Variants in LNX1 observed in about 807,000 individuals in gnomAD.
The protein encoded by LNX1 is E3 ubiquitin-protein ligase LNX.
In LNX1, 54 loss-of-function variants were observed where a neutral mutation model predicts 68.4. That is an observed-to-expected ratio of 0.79 (90% CI 0.63 to 0.99). The LOEUF (loss-of-function observed/expected upper bound fraction) is 0.99. LNX1 is among the 50% of genes least tolerant of loss of function. The probability of loss-of-function intolerance (pLI) is 0.00; values close to 1 mark genes in which losing one functional copy is unlikely to be tolerated. For synonymous variants in LNX1, 336 were observed against 350.0 expected, an observed-to-expected ratio of 0.96 and a Z score of 0.45; for missense variants, 906 against 926.4, an observed-to-expected ratio of 0.98 and a Z score of 0.29.
At chr4:53,515,979 G>A (rs757502547) in intron 2 of LNX1, among the ~76,000 whole-genome samples, 2 of 152,178 alleles carry the variant, frequency 1.3e-5, no homozygotes, top group Non-Finnish European at 2.9e-5. Context: ...GGCCGAGTGT[G>A]GTGGCTCATG....
intron 1 of LNX1, among the ~76,000 whole-genome samples, chr4:53,631,221 G>A (rs181508247): frequency 9.8e-5 from 15 of 152,288 alleles, no homozygotes; most frequent in Admixed American, 9.8e-4. Context: ...AGGATCGGGA[G>A]TGGGGTGGGA....
At chr4:53,571,015 A>G (rs1268406202) in intron 2 of LNX1, among the ~76,000 whole-genome samples, 1 of 151,198 alleles carries the variant, frequency 6.6e-6, no homozygotes, top group Non-Finnish European at 1.5e-5. Flanking sequence ...CGACAGAGCC[A>G]GACTCCGTCT....
At position 53,557,213 on chromosome 4, in the gene LNX1, A is replaced by G. The variant is rs145503218; in HGVS notation, c.380+16410T>C. Among the ~76,000 whole-genome samples the G allele has an allele frequency of 1.8e-4, 27 of 152,312 alleles. No homozygotes were observed. The East Asian group carries it at 4.2e-3, about 24-fold the overall frequency. ...TGTCTTTATTTTTCAGAGATGCACA[A>G]TGATGTATTTAGGGGTGATATGTCA... On this transcript the variant is annotated intron_variant, in intron 2 of 10. Coordinates refer to ENST00000263925, the MANE Select transcript of LNX1 (RefSeq NM_001126328.3).
intron 2 of LNX1, among the ~76,000 whole-genome samples, chr4:53,509,705 G>A (rs1301031904): frequency 2.0e-5 from 3 of 152,120 alleles, no homozygotes; most frequent in South Asian, 2.1e-4. Flanking sequence ...TGAGATTGTC[G>A]CTATTTCCAT....
At chr4:53,468,284 G>A (rs1722859517) in intron 9 of LNX1, among the ~76,000 whole-genome samples, 1 of 152,150 alleles carries the variant, frequency 6.6e-6, no homozygotes, top group African/African-American at 2.4e-5. Context: ...TTACAGACAA[G>A]CAAATGCTGA....
At chr4:53,479,613 A>G (rs1221505827) in intron 7 of LNX1, among the ~76,000 whole-genome samples, 1 of 143,634 alleles carries the variant, frequency 7.0e-6, no homozygotes, top group Non-Finnish European at 1.5e-5. Context: ...AGAGGAGGAG[A>G]GTTACGTATG....
chr4:53,614,293 C>T (rs1733604131), intron 2 of LNX1, among the ~76,000 whole-genome samples: 1 of 152,138 alleles, frequency 6.6e-6, no homozygotes, highest in African/African-American at 2.4e-5. Flanking sequence ...GATTTACTTC[C>T]AGAACTACTG....
chr4:53,649,654 C>T lies in LNX1; in HGVS notation c.-215+2514G>A, dbSNP rs78096209. Among the ~76,000 whole-genome samples the T allele has an allele frequency of 6.8e-3, 1,041 of 152,346 alleles. 14 individuals are homozygous for T. The highest frequency in any genetic ancestry group is 0.024 in the African/African-American group (996 of 41,584). ...TCCTTCCTGCACACCACTCCCTTTA[C>T]TCCCCTTCTAGTCAGTCTTTACCTT... On this transcript the variant is annotated intron_variant, in intron 1 of 2. Coordinates refer to the LNX1 transcript ENST00000507168.
intron 1 of LNX1, among the ~76,000 whole-genome samples, chr4:53,631,896 G>A (rs1315080021): frequency 6.6e-6 from 1 of 151,832 alleles, no homozygotes; most frequent in African/African-American, 2.4e-5. Flanking sequence ...TCCTTGACTC[G>A]GTGTAATTCT....
At chr4:53,526,920 A>G (rs779634161) in intron 2 of LNX1, among the ~76,000 whole-genome samples, 2 of 152,094 alleles carry the variant, frequency 1.3e-5, no homozygotes, top group Non-Finnish European at 2.9e-5. Context: ...TATAGAGCTA[A>G]TTCTTCTTTG....
At chr4:53,626,557 A>C (rs1372309078) in intron 1 of LNX1, among the ~76,000 whole-genome samples, 6 of 152,224 alleles carry the variant, frequency 3.9e-5, no homozygotes, top group Admixed American at 3.3e-4. Flanking sequence ...TGAAAAGATC[A>C]CCTGGCTTCA....
chr4:53,467,630 G>T (rs551089747), intron 9 of LNX1, among the ~76,000 whole-genome samples: 2 of 152,326 alleles, frequency 1.3e-5, no homozygotes, highest in East Asian at 3.9e-4. Context: ...AATAGCCAAT[G>T]CAGAGAAGTC....
chr4:53,537,442 C>T (rs540505673), intron 2 of LNX1, among the ~76,000 whole-genome samples: 2 of 152,292 alleles, frequency 1.3e-5, no homozygotes, highest in East Asian at 3.9e-4. Flanking sequence ...GTTTCTTCTA[C>T]CAACAGGTGG....
chr4:53,497,177 T>A (rs556391853), intron 5 of LNX1, among the ~76,000 whole-genome samples: 1 of 152,348 alleles, frequency 6.6e-6, no homozygotes, highest in African/African-American at 2.4e-5. Context: ...GCCTCACTAA[T>A]GATGTGTAGG....
intron 1 of LNX1, among the ~76,000 whole-genome samples, chr4:53,644,637 C>T (rs958038743): frequency 3.3e-5 from 5 of 152,164 alleles, no homozygotes; most frequent in African/African-American, 9.7e-5. Context: ...ATAGGCTGTC[C>T]TATTCCAGGA....
intron 1 of LNX1, among the ~76,000 whole-genome samples, chr4:53,581,042 G>T (rs577704852): frequency 1.3e-5 from 2 of 152,228 alleles, no homozygotes; most frequent in Admixed American, 6.5e-5. Flanking sequence ...TGATGGAGAG[G>T]CAATGGGAGG....
chr4:53,508,257 A>G, intron 2 of LNX1, 30 bp from the exon 3 acceptor site: 1 of 1,605,038 alleles, frequency 6.2e-7, no homozygotes, highest in African/African-American at 1.3e-5. Context: ...GAGGTGAAGA[A>G]GAGCTTTGGC....
chr4:53,485,808 T>C lies in LNX1; in HGVS notation c.1351-3954A>G, dbSNP rs368838123. On this transcript the variant is annotated intron_variant, in intron 6 of 10. Coordinates refer to ENST00000263925, the MANE Select transcript of LNX1 (RefSeq NM_001126328.3). Reference sequence around the variant, plus strand: ...GGTGTGAGTGTGAGGAGGGGGAGTATAGGGGAGACACAGAAAGACTGAATG... The same window carrying C: ...GGTGTGAGTGTGAGGAGGGGGAGTACAGGGGAGACACAGAAAGACTGAATG... Among the ~76,000 whole-genome samples, 119 of 152,036 alleles carry C rather than the reference T, an allele frequency of 7.8e-4. 1 individual carries two copies. Among genetic ancestry groups the C allele is most frequent in the African/African-American group, 2.7e-3 (113 of 41,362 alleles).
chr4:53,472,487 TA>T (rs537634566), intron 9 of LNX1, among the ~76,000 whole-genome samples: 1 of 148,562 alleles, frequency 6.7e-6, no homozygotes, highest in Non-Finnish European at 1.5e-5. Context: ...TAAAGTATAA[TA>T]AAAAAAAGAA....
Sources: gnomAD v4.1 joint callset for allele counts (sites outside exome capture counted in the v4.1 genomes callset) on GRCh38, gnomAD v4.1.1 for gene constraint, MANE v1.5 for transcripts, NCBI Gene and HGNC (gene_info 2026-07-23, HGNC 2026-07-21) for gene names.